Variants in TRPM3 observed in about 807,000 individuals in gnomAD.
TRPM3 encodes long transient receptor potential channel 3.
Under a neutral mutation model 181.2 loss-of-function variants are expected in TRPM3, and 77 were observed. The ratio of observed to expected loss-of-function variants is 0.42; its 90% CI spans 0.35 to 0.51. The LOEUF is 0.51. Among genes scored for constraint, TRPM3 ranks in the 20% least tolerant of loss-of-function variants. The probability of loss-of-function intolerance (pLI) is 0.01; values close to 1 mark genes in which losing one functional copy is unlikely to be tolerated. For synonymous variants in TRPM3, 745 were observed against 796.4 expected, an observed-to-expected ratio of 0.94 and a Z score of 1.09; for missense variants, 1,759 against 2,196.7, an observed-to-expected ratio of 0.80 and a Z score of 3.98.
chr9:71,241,565 G>T (rs542713560), intron 1 of TRPM3, among the ~76,000 whole-genome samples: 2 of 151,850 alleles, frequency 1.3e-5, no homozygotes, highest in Non-Finnish European at 2.9e-5. Flanking sequence ...GTTGATGGGT[G>T]CAGCACACCA....
At chr9:71,067,634 G>A (rs1335466439) in intron 1 of TRPM3, among the ~76,000 whole-genome samples, 1 of 152,152 alleles carries the variant, frequency 6.6e-6, no homozygotes, top group East Asian at 1.9e-4. Context: ...GGGAAATTAG[G>A]AAAATCAAAT....
Position 70,635,264 on chromosome 9 carries a change from G to A in TRPM3, c.1582-3C>T. ...AATGTATTTGAGGGCCCATGTCTCT[G>A]AAAACAATAAAGAAGAATCAAACAG... On this transcript the variant is annotated splice_polypyrimidine_tract_variant and splice_region_variant and intron_variant, in intron 11 of 25. Coordinates refer to ENST00000677713, the MANE Select transcript of TRPM3 (RefSeq NM_001366145.2). 2 of 1,613,652 alleles carry A rather than the reference G, an allele frequency of 1.2e-6. No homozygotes were observed. Among genetic ancestry groups the A allele is most frequent in the Non-Finnish European group, 1.7e-6 (2 of 1,179,764 alleles).
At chr9:71,399,994 T>G (rs113684798) in intron 1 of TRPM3, among the ~76,000 whole-genome samples, 6 of 152,308 alleles carry the variant, frequency 3.9e-5, no homozygotes, top group African/African-American at 1.4e-4. Context: ...ACTTAAACTT[T>G]CTGATCCTCA....
At chr9:71,140,858 G>A (rs1051588301) in intron 1 of TRPM3, among the ~76,000 whole-genome samples, 2 of 152,122 alleles carry the variant, frequency 1.3e-5, no homozygotes, top group Admixed American at 6.6e-5. Context: ...AGCAAGGTAC[G>A]ATGTTAGCAG....
intron 1 of TRPM3, among the ~76,000 whole-genome samples, chr9:71,441,301 T>C (rs2094133505): frequency 6.6e-6 from 1 of 151,976 alleles, no homozygotes; most frequent in African/African-American, 2.4e-5. Flanking sequence ...TACAACATTG[T>C]CCCTTTTTTA....
At chr9:71,255,715 C>A (rs933756153) in intron 1 of TRPM3, among the ~76,000 whole-genome samples, 2 of 152,114 alleles carry the variant, frequency 1.3e-5, no homozygotes, top group Non-Finnish European at 2.9e-5. Flanking sequence ...ATTTATAGTT[C>A]TTGTAACCTT....
chr9:71,153,858 G>C (rs2075857123), intron 1 of TRPM3, among the ~76,000 whole-genome samples: 2 of 152,216 alleles, frequency 1.3e-5, no homozygotes, highest in African/African-American at 4.8e-5. Flanking sequence ...AGTACAGTGA[G>C]CATCTTCCTT....
At chr9:71,251,191 G>C in intron 1 of TRPM3, among the ~76,000 whole-genome samples, 1 of 152,084 alleles carries the variant, frequency 6.6e-6, no homozygotes, top group East Asian at 1.9e-4. Context: ...AATATTGGTG[G>C]ATGGCATTTT....
intron 1 of TRPM3, among the ~76,000 whole-genome samples, chr9:71,378,569 C>T (rs1480616135): frequency 6.6e-6 from 1 of 152,038 alleles, no homozygotes; most frequent in African/African-American, 2.4e-5. Flanking sequence ...ATCACAGACA[C>T]CACACCAAGT....
At chr9:71,072,058 A>G (rs1360376404) in intron 1 of TRPM3, among the ~76,000 whole-genome samples, 1 of 152,284 alleles carries the variant, frequency 6.6e-6, no homozygotes, top group East Asian at 1.9e-4. Flanking sequence ...ATAGGCCCAG[A>G]CCTGTAAGAG....
At chr9:71,190,434 C>T (rs73647963) in intron 1 of TRPM3, among the ~76,000 whole-genome samples, 2,238 of 151,920 alleles carry the variant, frequency 0.015, 64 homozygotes, top group African/African-American at 0.051. Flanking sequence ...ACTTTTGCTA[C>T]AGAGACTTAA....
chr9:71,380,847 TG>T (rs1246403001), intron 1 of TRPM3, among the ~76,000 whole-genome samples: 1 of 152,076 alleles, frequency 6.6e-6, no homozygotes, highest in Non-Finnish European at 1.5e-5. Flanking sequence ...CTCAGCATCT[TG>T]ACTCAGAACT....
rs2089369387 is a variant in TRPM3, at chr9:70,802,379, T to G, written c.974-18100A>C. ...TAACTACTCAACTCTGTGGTTACAG[T>G]GTGAAAGCAGCCAGAGACATCACAT... On this transcript the variant is annotated intron_variant, in intron 6 of 25. Transcript: ENST00000677713. Among the ~76,000 whole-genome samples, 4 of 152,340 alleles carry G rather than the reference T, an allele frequency of 2.6e-5. No individual in the cohort carries two copies. The South Asian group carries it at 8.3e-4, about 32-fold the overall frequency.
intron 6 of TRPM3, among the ~76,000 whole-genome samples, chr9:70,817,347 G>A (rs1429750995): frequency 6.6e-6 from 1 of 152,082 alleles, no homozygotes; most frequent in East Asian, 1.9e-4. Context: ...ATGTGACAGT[G>A]GGCTCTCATG....
At chr9:70,699,486 A>AAGTT (rs1247271220) in intron 8 of TRPM3, among the ~76,000 whole-genome samples, 2 of 152,218 alleles carry the variant, frequency 1.3e-5, no homozygotes, top group Admixed American at 1.3e-4. Flanking sequence ...ATAAAAAATC[A>AAGTT]AGCTAGAAAG....
At chr9:70,901,269 A>G (rs2096382150) in intron 1 of TRPM3, among the ~76,000 whole-genome samples, 1 of 152,212 alleles carries the variant, frequency 6.6e-6, no homozygotes, top group Non-Finnish European at 1.5e-5. Context: ...TTCCTTGGAC[A>G]CAAGTAGATT....
At chr9:71,286,978 A>G (rs1001707715) in intron 1 of TRPM3, among the ~76,000 whole-genome samples, 11 of 141,182 alleles carry the variant, frequency 7.8e-5, no homozygotes, top group South Asian at 4.2e-4. Flanking sequence ...TAATATAATT[A>G]TATTATATAA....
At chr9:70,887,360 C>A (rs1400692092) in intron 1 of TRPM3, among the ~76,000 whole-genome samples, 1 of 152,064 alleles carries the variant, frequency 6.6e-6, no homozygotes, top group Non-Finnish European at 1.5e-5. Flanking sequence ...TGTTCACTGA[C>A]AAAATGATTC....
chr9:71,091,325 C>G (rs553375289), intron 1 of TRPM3, among the ~76,000 whole-genome samples: 1 of 152,002 alleles, frequency 6.6e-6, no homozygotes, highest in African/African-American at 2.4e-5. Flanking sequence ...TGCTGGTAAA[C>G]GAAACCCAAA....
Sources: gnomAD v4.1 joint callset for allele counts (sites outside exome capture counted in the v4.1 genomes callset) on GRCh38, gnomAD v4.1.1 for gene constraint, MANE v1.5 for transcripts, NCBI Gene and HGNC (gene_info 2026-07-23, HGNC 2026-07-21) for gene names.